RAB11FIP4: variants seen among roughly 807,000 people sequenced by gnomAD.
RAB11FIP4 encodes RAB11 family interacting protein 4, also known as rab11 family-interacting protein 4.
Under a neutral mutation model 74.3 loss-of-function variants are expected in RAB11FIP4, and 23 were observed. The ratio of observed to expected loss-of-function variants is 0.31; its 90% CI spans 0.22 to 0.44. The LOEUF is 0.44. RAB11FIP4 is among the 20% of genes least tolerant of loss of function. The pLI, the probability that RAB11FIP4 is intolerant of heterozygous loss-of-function variation, is 1.00. For synonymous variants in RAB11FIP4, 360 were observed against 359.9 expected (o/e 1.00, Z 0.00); for missense variants, 630 against 863.9 (o/e 0.73, Z 3.39).
intron 3 of RAB11FIP4, among the ~76,000 whole-genome samples, chr17:31,514,730 T>G (rs1009718561): frequency 2.0e-5 from 3 of 152,240 alleles, no homozygotes; most frequent in Admixed American, 1.3e-4. Flanking sequence ...CATTGTCCTC[T>G]GAGAGCCCCA....
intron 3 of RAB11FIP4, among the ~76,000 whole-genome samples, chr17:31,517,191 C>CGGGGGGGGGGGG (rs537395833): frequency 2.6e-4 from 11 of 42,772 alleles, no homozygotes; most frequent in Non-Finnish European, 4.4e-4. Flanking sequence ...GGAGGCGGTG[C>CGGGGGGGGGGGG]GGGGGGGGGG....
intron 9 of RAB11FIP4, chr17:31,524,270 G>A (rs1299716335): frequency 9.3e-6 from 4 of 431,636 alleles, no homozygotes; most frequent in Non-Finnish European, 1.7e-5. Context: ...CAAGATGGGA[G>A]TGGGGATCCA....
chr17:31,423,345 G>C (rs2071217629), intron 1 of RAB11FIP4, among the ~76,000 whole-genome samples: 1 of 152,036 alleles, frequency 6.6e-6, no homozygotes, highest in Non-Finnish European at 1.5e-5. Context: ...ATCCTCTGAA[G>C]AATGTCAGTT....
chr17:31,518,649 C>T (rs762481963), intron 4 of RAB11FIP4: 2 of 151,284 alleles, frequency 1.3e-5, no homozygotes, highest in Non-Finnish European at 2.9e-5. Flanking sequence ...GGTCAAAACT[C>T]GAGTGTTGAT....
intron 3 of RAB11FIP4, among the ~76,000 whole-genome samples, chr17:31,494,325 C>G (rs2072072185): frequency 6.6e-6 from 1 of 151,876 alleles, no homozygotes; most frequent in Admixed American, 6.6e-5. Context: ...TCACAGGGTT[C>G]GTGGTAAGAG....
In RAB11FIP4 at chr17:31,449,980, C is replaced by T. The variant is rs543844226; in HGVS notation, c.336+15858C>T. On this transcript the variant is annotated intron_variant, in intron 3 of 14. Coordinates refer to ENST00000621161, the MANE Select transcript of RAB11FIP4 (RefSeq NM_032932.6). Reference sequence around the variant, plus strand: ...GGGTAATTAGCATATCCACCATCTCCGGCATTTATCATTTCTTCATTTTGG... The same window carrying T: ...GGGTAATTAGCATATCCACCATCTCTGGCATTTATCATTTCTTCATTTTGG... 9.8e-5 allele frequency among the ~76,000 whole-genome samples: 15 copies of T among 152,294 alleles called. No homozygotes were observed. The East Asian group carries it at 1.2e-3, about 12-fold the overall frequency.
chr17:31,445,578 A>AT lies in RAB11FIP4; in HGVS notation c.336+11481dup, dbSNP rs61393689. On this transcript the variant is annotated intron_variant, in intron 3 of 14. Coordinates refer to ENST00000621161, the MANE Select transcript of RAB11FIP4 (RefSeq NM_032932.6). Reference sequence around the variant, plus strand: ...TATATATATATATATATATATATATATTTTTTTTTTTTTTTTTTTTTTTTT... The same window carrying AT: ...TATATATATATATATATATATATATATTTTTTTTTTTTTTTTTTTTTTTTTT... 3.0e-3 allele frequency among the ~76,000 whole-genome samples: 49 copies of AT among 16,272 alleles called. 1 individual carries two copies. Among genetic ancestry groups the AT allele is most frequent in the Non-Finnish European group, 3.9e-3 (36 of 9,176 alleles). 10.7% of individuals were successfully genotyped at this position (16,272 alleles called of 152,430 possible).
intron 3 of RAB11FIP4, among the ~76,000 whole-genome samples, chr17:31,492,084 T>C (rs562662195): frequency 7.2e-5 from 11 of 152,356 alleles, no homozygotes; most frequent in Admixed American, 7.2e-4. Context: ...GGACAGGTCC[T>C]GCTCTCAAGG....
chr17:31,495,425 A>T (rs1023227865), intron 3 of RAB11FIP4, among the ~76,000 whole-genome samples: 10 of 138,116 alleles, frequency 7.2e-5, no homozygotes, highest in Admixed American at 5.7e-4. Context: ...CCCAGGCTAG[A>T]GTGCAGCGAT....
intron 3 of RAB11FIP4, among the ~76,000 whole-genome samples, chr17:31,490,384 G>A (rs1404380257): frequency 6.6e-6 from 1 of 152,082 alleles, no homozygotes; most frequent in Non-Finnish European, 1.5e-5. Flanking sequence ...AGGAGACTTC[G>A]CAATTTCACT....
chr17:31,446,576 C>A (rs2071466345), intron 3 of RAB11FIP4, among the ~76,000 whole-genome samples: 1 of 152,008 alleles, frequency 6.6e-6, no homozygotes, highest in African/African-American at 2.4e-5. Context: ...CCTCTTTGGG[C>A]TGAGATTAGG....
At chr17:31,488,143 C>G in intron 3 of RAB11FIP4, 1 of 1,049,046 alleles carries the variant, frequency 9.5e-7, no homozygotes, top group Non-Finnish European at 1.1e-6. Flanking sequence ...AGCGGCGCGG[C>G]CGCGATTGTT....
intron 3 of RAB11FIP4, among the ~76,000 whole-genome samples, chr17:31,470,466 G>A (rs2071726919): frequency 6.6e-6 from 1 of 152,196 alleles, no homozygotes; most frequent in Non-Finnish European, 1.5e-5. Flanking sequence ...AAGTAGGCAA[G>A]CAGGGAGAGC....
Position 31,525,208 on chromosome 17 carries a change from G to A in RAB11FIP4, c.1252G>A (p.Glu418Lys), listed in dbSNP as rs1447511739. The A allele has an allele frequency of 5.8e-6, 9 of 1,548,216 alleles. No individual in the cohort carries two copies. Among genetic ancestry groups the A allele is most frequent in the South Asian group, 2.4e-5 (2 of 83,896 alleles). Residue 418 changes from glutamate to lysine, a missense_variant, in exon 10 of 15, where the codon GAG (glutamate) becomes AAG (lysine). By Grantham distance (56) the Glu-to-Lys change is moderately conservative. Transcript: ENST00000621161. Reference protein sequence around the residue: ...YGKLEREKATEVELLNARVQQ... With the variant: ...YGKLEREKATKVELLNARVQQ... ...CAAGCTGGAGAGGGAGAAGGCTACC[G>A]AGGTGGAGCTGCTCAATGCCAGGTG...
At chr17:31,505,707 T>C (rs1346697539) in intron 3 of RAB11FIP4, among the ~76,000 whole-genome samples, 5 of 120,536 alleles carry the variant, frequency 4.1e-5, no homozygotes, top group Admixed American at 2.4e-4. Flanking sequence ...ATATATAATA[T>C]ATTAATAATA....
rs1190316585 is a variant in RAB11FIP4 at position 31,519,007 on chromosome 17, C to CTTT, written c.563+1153_563+1155dup. Reference sequence around the variant, plus strand: ...GCCACCATGTCCAGCTAAGTTTTGTCTTTTTTTTTTTTTTTTTTTTTTTTT... The same window carrying CTTT: ...GCCACCATGTCCAGCTAAGTTTTGTCTTTTTTTTTTTTTTTTTTTTTTTTTTTT... On this transcript the variant is annotated intron_variant, in intron 4 of 14. Transcript: ENST00000621161. Among the ~76,000 whole-genome samples the CTTT allele has an allele frequency of 5.8e-3, 427 of 73,968 alleles. 9 individuals carry two copies. The highest frequency in any genetic ancestry group is 0.015 in the East Asian group (32 of 2,194). 48.5% of individuals were successfully genotyped at this position (73,968 alleles called of 152,430 possible).
intron 2 of RAB11FIP4, among the ~76,000 whole-genome samples, chr17:31,432,754 A>C (rs2071322999): frequency 6.6e-6 from 1 of 152,196 alleles, no homozygotes; most frequent in African/African-American, 2.4e-5. Flanking sequence ...GTCTTGTCCC[A>C]AAAATTCAAA....
At chr17:31,438,514 C>G (rs545442467) in intron 3 of RAB11FIP4, among the ~76,000 whole-genome samples, 1 of 152,176 alleles carries the variant, frequency 6.6e-6, no homozygotes, top group South Asian at 2.1e-4. Flanking sequence ...CCTGCCTCCC[C>G]CTTCCATCAC....
chr17:31,466,080 G>T (rs2071683818), intron 3 of RAB11FIP4, among the ~76,000 whole-genome samples: 1 of 152,072 alleles, frequency 6.6e-6, no homozygotes, highest in Non-Finnish European at 1.5e-5. Context: ...GGAGGCGGAG[G>T]TTGCAGTGAG....
Sources: gnomAD v4.1 joint callset for allele counts (sites outside exome capture counted in the v4.1 genomes callset) on GRCh38, gnomAD v4.1.1 for gene constraint, MANE v1.5 for transcripts, NCBI Gene and HGNC (gene_info 2026-07-23, HGNC 2026-07-21) for gene names.